Variants in MIR2052HG observed in about 807,000 individuals in gnomAD.
MIR2052HG encodes MIR2052 host gene.
intron 4 of MIR2052HG, among the ~76,000 whole-genome samples, chr8:74,744,406 T>C (rs1462280667): frequency 6.6e-6 from 1 of 152,022 alleles, no homozygotes; most frequent in African/African-American, 2.4e-5. Flanking sequence ...ACATGTGCCA[T>C]GCTGGTGTGC....
At chr8:74,681,075 A>C (rs1241965648) in intron 2 of MIR2052HG, among the ~76,000 whole-genome samples, 1 of 68,060 alleles carries the variant, frequency 1.5e-5, no homozygotes, top group East Asian at 5.2e-4. Context: ...GGGTGGGGGG[A>C]GGGGGGAGGG....
At chr8:74,642,726 C>T (rs943046699) in intron 2 of MIR2052HG, among the ~76,000 whole-genome samples, 7 of 151,962 alleles carry the variant, frequency 4.6e-5, no homozygotes, top group African/African-American at 1.2e-4. Context: ...AGATGACTAT[C>T]GACTTATTAA....
At chr8:74,653,402 T>C (rs928627129) in intron 2 of MIR2052HG, among the ~76,000 whole-genome samples, 1 of 152,124 alleles carries the variant, frequency 6.6e-6, no homozygotes, top group Admixed American at 6.6e-5. Flanking sequence ...ACATACATAA[T>C]TTTTTTTAAG....
intron 4 of MIR2052HG, among the ~76,000 whole-genome samples, chr8:74,735,825 T>G (rs1809739589): frequency 6.6e-6 from 1 of 152,194 alleles, no homozygotes; most frequent in African/African-American, 2.4e-5. Flanking sequence ...AAAAAGGACA[T>G]TGGTAGTTTA....
chr8:74,711,630 C>T (rs577555883), intron 4 of MIR2052HG, among the ~76,000 whole-genome samples: 46 of 152,284 alleles, frequency 3.0e-4, no homozygotes, highest in Admixed American at 3.0e-3. Context: ...CAATGCCTTC[C>T]TCCCAAATGT....
intron 4 of MIR2052HG, among the ~76,000 whole-genome samples, chr8:74,721,417 A>AT (rs1255091422): frequency 2.0e-5 from 3 of 152,130 alleles, no homozygotes; most frequent in East Asian, 1.9e-4. Context: ...TCAACTGGGC[A>AT]TTTTTTCAGT....
chr8:74,647,736 T>C (rs1481815378), intron 2 of MIR2052HG, among the ~76,000 whole-genome samples: 1 of 152,166 alleles, frequency 6.6e-6, no homozygotes, highest in Admixed American at 6.5e-5. Flanking sequence ...CAGAAGAACA[T>C]GAATTGTGAA....
At chr8:74,719,232 A>G (rs928794738) in intron 4 of MIR2052HG, among the ~76,000 whole-genome samples, 1 of 152,136 alleles carries the variant, frequency 6.6e-6, no homozygotes, top group Non-Finnish European at 1.5e-5. Flanking sequence ...TTATGGGACA[A>G]TGACCCACAA....
chr8:74,710,088 C>A (rs997978323), intron 4 of MIR2052HG, among the ~76,000 whole-genome samples: 2 of 151,968 alleles, frequency 1.3e-5, no homozygotes, highest in Admixed American at 6.6e-5. Context: ...CCAAGTATGC[C>A]CATCTAAGTA....
chr8:74,720,381 G>A (rs747852656), intron 4 of MIR2052HG, among the ~76,000 whole-genome samples: 2 of 152,092 alleles, frequency 1.3e-5, no homozygotes, highest in Non-Finnish European at 2.9e-5. Context: ...CTTTGTTGAA[G>A]TGGTAAATAT....
intron 2 of MIR2052HG, among the ~76,000 whole-genome samples, chr8:74,688,785 T>C (rs918256610): frequency 6.6e-6 from 1 of 152,170 alleles, no homozygotes; most frequent in Non-Finnish European, 1.5e-5. Flanking sequence ...CTGAACCCAA[T>C]TTGTCGCCTT....
intron 5 of MIR2052HG, chr8:74,757,846 TA>T (rs1810021157): frequency 6.6e-6 from 1 of 152,126 alleles, no homozygotes. Context: ...TCTAGCCTGC[TA>T]GTTCCTTTGT....
At chr8:74,647,315 T>C (rs1808699296) in intron 2 of MIR2052HG, among the ~76,000 whole-genome samples, 1 of 152,204 alleles carries the variant, frequency 6.6e-6, no homozygotes, top group Non-Finnish European at 1.5e-5. Flanking sequence ...TGACTCTGGT[T>C]CAGTCTCCAG....
At chr8:74,626,680 G>C (rs1457199552) in intron 2 of MIR2052HG, among the ~76,000 whole-genome samples, 1 of 152,168 alleles carries the variant, frequency 6.6e-6, no homozygotes, top group African/African-American at 2.4e-5. Flanking sequence ...GTCAGCATCT[G>C]CACCCATCTC....
At chr8:74,673,887 G>GTA (rs61228134) in intron 2 of MIR2052HG, among the ~76,000 whole-genome samples, 22,393 of 121,504 alleles carry the variant, frequency 0.18, 2,277 homozygotes, top group Middle Eastern at 0.28. Context: ...GTATTTTTTT[G>GTA]TATATATATA....
At chr8:74,745,109 A>T (rs1334231565) in intron 4 of MIR2052HG, among the ~76,000 whole-genome samples, 1 of 152,136 alleles carries the variant, frequency 6.6e-6, no homozygotes, top group Admixed American at 6.5e-5. Flanking sequence ...AAAAAATGTG[A>T]AAAAATGAAA....
At chr8:74,732,426 A>G (rs1475320659) in intron 4 of MIR2052HG, among the ~76,000 whole-genome samples, 2 of 152,214 alleles carry the variant, frequency 1.3e-5, no homozygotes, top group Non-Finnish European at 2.9e-5. Context: ...TATGCTGAAC[A>G]TATGTTAAAA....
rs377700775 is a variant in MIR2052HG, at chr8:74,655,341, T to C, written n.216+42401T>C. ...GGAAAAATGTCTCCAGGGCATGTCA[T>C]AGGTCTTCATGGCAGTCCCTCCCAT... On this transcript the variant is annotated intron_variant and non_coding_transcript_variant, in intron 2 of 6. Transcript: ENST00000523442. 2.8e-3 allele frequency among the ~76,000 whole-genome samples: 423 copies of C among 152,308 alleles called. 11 individuals carry two copies. Among genetic ancestry groups the C allele is most frequent in the Non-Finnish European group, 3.5e-3 (236 of 68,018 alleles).
chr8:74,743,833 A>C (rs926581040), intron 4 of MIR2052HG, among the ~76,000 whole-genome samples: 25 of 152,304 alleles, frequency 1.6e-4, no homozygotes, highest in African/African-American at 5.3e-4. Context: ...GGACTCCAAC[A>C]GGATTTTATA....
Sources: gnomAD v4.1 joint callset for allele counts (sites outside exome capture counted in the v4.1 genomes callset) on GRCh38, gnomAD v4.1.1 for gene constraint, MANE v1.5 for transcripts, NCBI Gene and HGNC (gene_info 2026-07-23, HGNC 2026-07-21) for gene names.